The following WHAMM variants were observed in gnomAD, a reference collection of about 807,000 sequenced individuals.
WHAMM encodes the protein WASP homolog-associated protein with actin, membranes and microtubules.
A neutral mutation model predicts 76.5 loss-of-function variants in WHAMM; 67 were observed. That is an observed-to-expected ratio of 0.88 (90% CI 0.72 to 1.07). The LOEUF is 1.07. WHAMM is among the 50% of genes least tolerant of loss of function. The pLI, the probability that WHAMM is intolerant of heterozygous loss-of-function variation, is 0.00. For missense variants in WHAMM, 1,021 were observed against 1,051.1 expected, an observed-to-expected ratio of 0.97 and a Z score of 0.40; for synonymous variants, 419 against 422.1, an observed-to-expected ratio of 0.99 and a Z score of 0.09.
In WHAMM at chr15:82,823,372, T is replaced by G. The variant is rs1319136169; in HGVS notation, c.1458+85T>G. On this transcript the variant is annotated intron_variant, in intron 6 of 9. Coordinates refer to ENST00000286760, the MANE Select transcript of WHAMM (RefSeq NM_001080435.3). ...AAGGATAAAGGTATTGAAATAAGGT[T>G]TTTACCAACACAGTGATTACATTTT... 1.0e-5 allele frequency: 12 copies of G among 1,181,368 alleles called. No homozygotes were observed. The East Asian group carries it at 3.7e-4, about 37-fold the overall frequency. The allele number at this position is 1,181,368 out of a possible 1,614,324, so 73.2% of individuals were successfully genotyped here. A position where few individuals can be genotyped will look rare whatever the true frequency, so the allele number is the denominator to read the frequency against.
intron 5 of WHAMM, 72 bp downstream of exon 5, chr15:82,819,560 A>G (rs1288114012): frequency 2.4e-6 from 2 of 816,524 alleles, no homozygotes; most frequent in Non-Finnish European, 3.5e-6. Context: ...ATTATCAATT[A>G]CTTTTTGTAA....
Position 82,816,815 on chromosome 15 carries a change from T to C in WHAMM, c.907T>C (p.Phe303Leu). The change falls in exon 3 of 10, where the codon TTT becomes CTT. Residue 303 changes from phenylalanine (F) to leucine (L), a missense_variant. Coordinates refer to ENST00000286760, the MANE Select transcript of WHAMM (RefSeq NM_001080435.3). ...TATTCAGGATATCACAGTGAATTAT[T>C]TTAAGGAGACAGTAAAAGCATTAGC... is the stretch of plus-strand genomic sequence containing the variant. ...VSIQDITVNYFKETVKALAGM... is the reference protein window; with the variant it reads ...VSIQDITVNYLKETVKALAGM... 1 of 1,564,922 alleles carries C rather than the reference T, an allele frequency of 6.4e-7. No individual in the cohort carries two copies. The highest frequency in any genetic ancestry group is 8.7e-7 in the Non-Finnish European group (1 of 1,153,502).
rs1277307359 is a variant in WHAMM at position 82,835,928 on chromosome 15, T to G, written c.*2392T>G. ...TGTGGGACTTTTCTTATGCATATTTTGCAGTTTGGCATTGTTTGTAATTAC... is the reference window on the plus strand; with the variant it reads ...TGTGGGACTTTTCTTATGCATATTTGGCAGTTTGGCATTGTTTGTAATTAC... On this transcript the variant is annotated 3_prime_UTR_variant, in exon 10 of 10. Transcript: ENST00000286760. The G allele has an allele frequency of 1.3e-5, 2 of 152,264 alleles. No individual in the cohort carries two copies. Among genetic ancestry groups the G allele is most frequent in the Non-Finnish European group, 2.9e-5 (2 of 68,040 alleles). 9.4% of individuals were successfully genotyped at this position (152,264 alleles called of 1,614,324 possible).
chr15:82,829,209 G>A (rs930852306), intron 8 of WHAMM, among the ~76,000 whole-genome samples: 36 of 152,346 alleles, frequency 2.4e-4, no homozygotes, highest in East Asian at 3.9e-4. Flanking sequence ...CATGGCTCAC[G>A]CCTGTAATCC....
chr15:82,819,533 A>G, intron 5 of WHAMM, 45 bp downstream of exon 5: 1 of 1,005,646 alleles, frequency 9.9e-7, no homozygotes, highest in Non-Finnish European at 1.4e-6. Context: ...TTATAAATTT[A>G]AGGAAATACA....
intron 1 of WHAMM, among the ~76,000 whole-genome samples, chr15:82,811,398 C>T (rs1431172608): frequency 1.3e-5 from 2 of 152,200 alleles, no homozygotes; most frequent in South Asian, 2.1e-4. Context: ...GTTTTTTACA[C>T]ACTCGGTTTC....
In WHAMM at chr15:82,809,651, G is replaced by T; in HGVS notation, c.-76G>T. The T allele has an allele frequency of 8.1e-7, 1 of 1,230,868 alleles. No individual in the cohort carries two copies. Among genetic ancestry groups the T allele is most frequent in the African/African-American group, 1.6e-5 (1 of 63,496 alleles). 76.2% of individuals were successfully genotyped at this position (1,230,868 alleles called of 1,614,324 possible). ...TTCTAGCGAAAAATGATTTGGCTCGGACTGTCCCGTGACAGGCGGTGCGAG... is the reference window on the plus strand; with the variant it reads ...TTCTAGCGAAAAATGATTTGGCTCGTACTGTCCCGTGACAGGCGGTGCGAG... On this transcript the variant is annotated 5_prime_UTR_variant, in exon 1 of 10. Transcript: ENST00000286760.
chr15:82,823,713 G>A (rs1174744376), intron 6 of WHAMM, among the ~76,000 whole-genome samples: 3 of 152,050 alleles, frequency 2.0e-5, no homozygotes, highest in African/African-American at 7.2e-5. Flanking sequence ...TTACAGGCAC[G>A]CGCCAGCACG....
chr15:82,816,192 T>G (rs2050722810), intron 2 of WHAMM, among the ~76,000 whole-genome samples: 1 of 152,208 alleles, frequency 6.6e-6, no homozygotes, highest in South Asian at 2.1e-4. Context: ...CACTGGGGAT[T>G]TAGGCTTCAA....
At chr15:82,822,726 C>G (rs1159739212) in intron 5 of WHAMM, among the ~76,000 whole-genome samples, 2 of 152,192 alleles carry the variant, frequency 1.3e-5, no homozygotes, top group East Asian at 3.9e-4. Context: ...GCGTGAGCCC[C>G]TGCGCCTGGC....
rs753318483 is a variant in WHAMM at position 82,810,355 on chromosome 15, C to T, written c.609+20C>T. The T allele has an allele frequency of 3.8e-6, 5 of 1,301,206 alleles. No homozygotes were observed. The highest frequency in any genetic ancestry group is 6.4e-5 in the East Asian group (2 of 31,456). The allele number at this position is 1,301,206 out of a possible 1,614,324, so 80.6% of individuals were successfully genotyped here. On this transcript the variant is annotated intron_variant, in intron 1 of 9. Transcript: ENST00000286760. ...CGCCAGGTAAGCGAGGCCCGGTCGC[C>T]GGCGTTCGTCCGCGCTTCCATGGCC...
chr15:82,814,298 TATA>T (rs1445828272), intron 2 of WHAMM, among the ~76,000 whole-genome samples: 2 of 152,196 alleles, frequency 1.3e-5, no homozygotes, highest in Non-Finnish European at 2.9e-5. Context: ...TCTTTCCACA[TATA>T]ATCTCATGAC....
chr15:82,828,566 C>A (rs2151571666), intron 8 of WHAMM, among the ~76,000 whole-genome samples: 1 of 152,208 alleles, frequency 6.6e-6, no homozygotes, highest in South Asian at 2.1e-4. Context: ...GGAAGGGATC[C>A]AAGGGCAACC....
intron 8 of WHAMM, among the ~76,000 whole-genome samples, chr15:82,829,029 G>A (rs1361582983): frequency 6.6e-6 from 1 of 152,228 alleles, no homozygotes; most frequent in Non-Finnish European, 1.5e-5. Context: ...CATTTGGAAG[G>A]GAGGAAGTAG....
chr15:82,822,982 A>G (rs1490821441), intron 5 of WHAMM, 118 bp from the exon 6 acceptor site: 2 of 826,774 alleles, frequency 2.4e-6, no homozygotes, highest in South Asian at 3.8e-5. Flanking sequence ...ATATATGTTA[A>G]TAGTGCTTCT....
At chr15:82,812,186 C>A (rs2151555743) in intron 1 of WHAMM, among the ~76,000 whole-genome samples, 1 of 152,280 alleles carries the variant, frequency 6.6e-6, no homozygotes, top group East Asian at 1.9e-4. Context: ...AATCAACATG[C>A]TGAAGTACTT....
At chr15:82,815,602 T>C (rs2050713266) in intron 2 of WHAMM, among the ~76,000 whole-genome samples, 1 of 152,218 alleles carries the variant, frequency 6.6e-6, no homozygotes, top group South Asian at 2.1e-4. Flanking sequence ...TGCTGGGTCC[T>C]GTGATTACTC....
intron 8 of WHAMM, among the ~76,000 whole-genome samples, chr15:82,828,665 G>GA: frequency 6.6e-6 from 1 of 152,310 alleles, no homozygotes; most frequent in South Asian, 2.1e-4. Flanking sequence ...ATGAAAATGG[G>GA]AGGGGTAGGC....
intron 5 of WHAMM, among the ~76,000 whole-genome samples, chr15:82,821,465 C>G (rs1032732707): frequency 6.6e-6 from 1 of 152,146 alleles, no homozygotes; most frequent in African/African-American, 2.4e-5. Flanking sequence ...GTTAAGCAGT[C>G]CCAATCACTG....
Sources: gnomAD v4.1 joint callset for allele counts (sites outside exome capture counted in the v4.1 genomes callset) on GRCh38, gnomAD v4.1.1 for gene constraint, MANE v1.5 for transcripts, NCBI Gene and HGNC (gene_info 2026-07-23, HGNC 2026-07-21) for gene names.